SRCAP: variants seen among roughly 807,000 people sequenced by gnomAD.
SRCAP encodes Snf2 related CREBBP activator protein.
SRCAP carries 46 observed loss-of-function variants against 263.1 expected under a neutral mutation model. The observed-to-expected ratio is 0.17, with a 90% CI of 0.14 to 0.22. The LOEUF (loss-of-function observed/expected upper bound fraction) is 0.22, where lower values mean the gene tolerates loss of function less well. Among genes scored for constraint, SRCAP ranks in the 10% least tolerant of loss-of-function variants. SRCAP has a pLI of 1.00. For missense variants in SRCAP, 3,695 were observed against 4,181.9 expected, an observed-to-expected ratio of 0.88 and a Z score of 3.21; for synonymous variants, 1,813 against 1,662.1, an observed-to-expected ratio of 1.09 and a Z score of -2.21.
chr16:30,709,703 C>G lies in SRCAP; in HGVS notation c.824C>G (p.Pro275Arg). The change falls in exon 7 of 34, where the codon CCT becomes CGT. Residue 275 changes from proline (P) to arginine (R), a missense_variant. Transcript: ENST00000262518. Reference sequence around the variant, plus strand: ...GGCTCTTCCTCAGCTGCCTCCAGTCCTCCACCCCCTGCTTCTCGCCTGGAT... The same window carrying G: ...GGCTCTTCCTCAGCTGCCTCCAGTCGTCCACCCCCTGCTTCTCGCCTGGAT... Reference protein sequence around the residue: ...CLGSSSAASSPPPPASRLDDE... With the variant: ...CLGSSSAASSRPPPASRLDDE... 1 of 1,614,172 alleles carries G rather than the reference C, an allele frequency of 6.2e-7. No homozygotes were observed. The highest frequency in any genetic ancestry group is 8.5e-7 in the Non-Finnish European group (1 of 1,180,030).
chr16:30,704,450 C>T (rs543487558), intron 4 of SRCAP, 135 bp downstream of exon 4: 10 of 1,036,880 alleles, frequency 9.6e-6, no homozygotes, highest in South Asian at 7.1e-5. Context: ...TGTATATGAT[C>T]GTGAGCAAAC....
rs913268128 is a variant in SRCAP, at chr16:30,740,366, T to G, written c.*633T>G. The G allele has an allele frequency of 6.6e-6, 1 of 152,278 alleles. No individual in the cohort carries two copies. Among genetic ancestry groups the G allele is most frequent in the Non-Finnish European group, 1.5e-5 (1 of 68,050 alleles). The allele number at this position is 152,278 out of a possible 1,614,324, so 9.4% of individuals were successfully genotyped here. A position where few individuals can be genotyped will look rare whatever the true frequency, so the allele number is the denominator to read the frequency against. ...CAGATATCCTTTTCCTCTCATTTCT[T>G]TTCCCTCGGTTCCTAGACGTTCCTC... On this transcript the variant is annotated 3_prime_UTR_variant, in exon 34 of 34. Coordinates refer to ENST00000262518, the MANE Select transcript of SRCAP (RefSeq NM_006662.3).
chr16:30,710,122 G>C lies in SRCAP; in HGVS notation c.1128G>C (p.Val376=). The C allele has an allele frequency of 6.2e-7, 1 of 1,613,350 alleles. No homozygotes were observed. The highest frequency in any genetic ancestry group is 8.5e-7 in the Non-Finnish European group (1 of 1,179,452). The part of the protein sequence containing the change: ...EEGAEEEPPQ[V]LEIKPPPSAV... ...GTGCTGAAGAAGAGCCCCCTCAGGT[G>C]TTGGAGGTATAGGCAGAAGGAGCAG... The change falls in exon 8 of 34, where the codon GTG becomes GTC. Residue 376 remains valine, a synonymous_variant. Transcript: ENST00000262518.
Position 30,737,440 on chromosome 16 carries a change from C to T in SRCAP, c.7400C>T (p.Pro2467Leu). Residue 2467 changes from proline to leucine, a missense_variant, in exon 34 of 34, where the codon CCC becomes CTC. By Grantham distance (98) the Pro-to-Leu change is moderately conservative. This residue lies in a region of SRCAP where 1,207 missense variants were observed against 1,142.9 expected (regional missense o/e 1.06). Coordinates refer to ENST00000262518, the MANE Select transcript of SRCAP (RefSeq NM_006662.3). The stretch of plus-strand genomic sequence containing the variant: ...CCTGTCCCAGTTTCTGCCCCAGTAC[C>T]CATTTCAGCCCCAAATCCAATAACC... ...LVPVPVSAPVPISAPNPITIL... is the reference protein window; with the variant it reads ...LVPVPVSAPVLISAPNPITIL... 1 of 1,594,178 alleles carries T rather than the reference C, an allele frequency of 6.3e-7. No individual in the cohort carries two copies. The highest frequency in any genetic ancestry group is 8.6e-7 in the Non-Finnish European group (1 of 1,168,794).
chr16:30,710,284 T>C (rs140510194), intron 8 of SRCAP, among the ~76,000 whole-genome samples, 156 bp downstream of exon 8: 82 of 152,284 alleles, frequency 5.4e-4, no homozygotes, highest in African/African-American at 1.9e-3. Context: ...AGAATCTGTT[T>C]GGGGCAAGTT....
chr16:30,733,574 T>C lies in SRCAP; in HGVS notation c.6298-28T>C, dbSNP rs775757223. The C allele has an allele frequency of 1.9e-6, 3 of 1,604,986 alleles. No individual in the cohort carries two copies. Among genetic ancestry groups the C allele is most frequent in the Non-Finnish European group, 2.6e-6 (3 of 1,173,772 alleles). ...CTGTTTTGGGGGATAAGTCTCCCAGTATCATCTTTTTTTCCCTTTCCTTCT... is the reference window on the plus strand; with the variant it reads ...CTGTTTTGGGGGATAAGTCTCCCAGCATCATCTTTTTTTCCCTTTCCTTCT... On this transcript the variant is annotated intron_variant, in intron 28 of 33. Transcript: ENST00000262518. The surrounding 1 kb of genome is among the most constrained non-coding windows in gnomAD (Gnocchi z 5.3).
At chr16:30,707,104 A>T in intron 4 of SRCAP, 79 bp from the exon 5 acceptor site, 1 of 1,453,672 alleles carries the variant, frequency 6.9e-7, no homozygotes, top group Non-Finnish European at 9.5e-7. Context: ...CAGCCCACTT[A>T]GTGCTCAGGA....
In SRCAP at chr16:30,730,594, G is replaced by C. The variant is rs890137705; in HGVS notation, c.6127+1022G>C. On this transcript the variant is annotated intron_variant, in intron 27 of 33. Coordinates refer to ENST00000262518, the MANE Select transcript of SRCAP (RefSeq NM_006662.3). Reference sequence around the variant, plus strand: ...TTACAGGTGCACACCACCACACCCGGCTAATTTTTGTATTTTTAGTAGACA... The same window carrying C: ...TTACAGGTGCACACCACCACACCCGCCTAATTTTTGTATTTTTAGTAGACA... Among the ~76,000 whole-genome samples, 22 of 151,992 alleles carry C rather than the reference G, an allele frequency of 1.4e-4. 1 individual carries two copies. Among genetic ancestry groups the C allele is most frequent in the Admixed American group, 9.2e-4 (14 of 15,268 alleles).
chr16:30,709,944 A>G lies in SRCAP; in HGVS notation c.950A>G (p.Gln317Arg). The G allele has an allele frequency of 3.1e-6, 5 of 1,614,230 alleles. No individual in the cohort carries two copies. The African/African-American group carries it at 4.0e-5, about 13-fold the overall frequency. The change falls in exon 8 of 34, where the codon CAG becomes CGG. Residue 317 changes from glutamine (Q) to arginine (R), a missense_variant. Physicochemically the swap from Gln to Arg is conservative, Grantham distance 43. Around this residue, in one of 12 missense-constraint regions of SRCAP, gnomAD observed 30 missense variants for 54.1 expected, o/e 0.55. Transcript: ENST00000262518. ...CAGGAAGGCAATGATGCAGAGGCCC[A>G]GAGGCGTGAGATTGAGCTGCTTCGC... ...EQQEGNDAEA[Q>R]RREIELLRRE...
At chr16:30,726,581 C>T (rs2053066646) in intron 25 of SRCAP, among the ~76,000 whole-genome samples, 1 of 151,518 alleles carries the variant, frequency 6.6e-6, no homozygotes, top group African/African-American at 2.4e-5. Context: ...AGTGCTTTGG[C>T]ACGGTCTTGG....
Position 30,739,684 on chromosome 16 carries a change from C to G in SRCAP, c.9644C>G (p.Ser3215Cys). 6.5e-7 allele frequency: 1 copy of G among 1,537,712 alleles called. No individual in the cohort carries two copies. The highest frequency in any genetic ancestry group is 8.7e-7 in the Non-Finnish European group (1 of 1,143,730). Residue 3215 changes from serine (S) to cysteine (C), a missense_variant, in exon 34 of 34, where the codon TCC becomes TGC. Coordinates refer to ENST00000262518, the MANE Select transcript of SRCAP (RefSeq NM_006662.3). ...QRILRSSAPP[S>C]LAGPAVSHRG... ...ATCCTGCGCAGCAGCGCCCCTCCCTCCCTGGCTGGCCCTGCTGTTAGTCAC... is the reference window on the plus strand; with the variant it reads ...ATCCTGCGCAGCAGCGCCCCTCCCTGCCTGGCTGGCCCTGCTGTTAGTCAC...
chr16:30,700,860 C>T lies in SRCAP; in HGVS notation c.36C>T (p.Leu12=). ...GCCCCTCCCCTGCTCACCCTCAGCT[C>T]CCAGTCCTACAGACACAGGTTTGAA... ...QSSPSPAHPQ[L]PVLQTQMVSD... Residue 12 remains leucine, a synonymous_variant, in exon 3 of 34, where the codon CTC becomes CTT. Coordinates refer to ENST00000262518, the MANE Select transcript of SRCAP (RefSeq NM_006662.3). 1.2e-6 allele frequency: 2 copies of T among 1,614,188 alleles called. No homozygotes were observed. Among genetic ancestry groups the T allele is most frequent in the East Asian group, 2.2e-5 (1 of 44,880 alleles).
intron 25 of SRCAP, chr16:30,725,370 A>T: frequency 2.5e-6 from 1 of 392,258 alleles, no homozygotes; most frequent in Non-Finnish European, 4.6e-6. Flanking sequence ...AGTAAAAGGA[A>T]CTCTTCTCTG....
At chr16:30,728,918 G>A in intron 25 of SRCAP, 48 bp from the exon 26 acceptor site, 1 of 1,554,154 alleles carries the variant, frequency 6.4e-7, no homozygotes, top group Non-Finnish European at 8.7e-7. Flanking sequence ...AGGTTTTGAT[G>A]TGGACTCTGA....
In SRCAP at chr16:30,739,039, C is replaced by T. The variant is rs772858077; in HGVS notation, c.8999C>T (p.Thr3000Met). Residue 3000 changes from threonine to methionine, a missense_variant, in exon 34 of 34, where the codon ACG (threonine) becomes ATG (methionine). By Grantham distance (81) the Thr-to-Met change is moderately conservative. Transcript: ENST00000262518. ...ANTVTTVTIS[T>M]SPPKRKRGRP... ...ACTGTCACCACTGTCACCATTTCAA[C>T]GTCCCCACCCAAACGGAAGAGGGGC... 30 of 1,614,108 alleles carry T rather than the reference C, an allele frequency of 1.9e-5. No individual in the cohort carries two copies. The highest frequency in any genetic ancestry group is 1.6e-4 in the Middle Eastern group (1 of 6,084).
At chr16:30,707,453 T>G (rs2052840162) in intron 5 of SRCAP, 85 bp downstream of exon 5, 1 of 1,602,682 alleles carries the variant, frequency 6.2e-7, no homozygotes, top group Non-Finnish European at 8.5e-7. Context: ...GACAGAATGG[T>G]GTAGGCATTA....
In SRCAP at chr16:30,725,021, CGTT is replaced by C. The variant is rs565950672; in HGVS notation, c.5598_5600del (p.Phe1867del). The C allele has an allele frequency of 6.5e-4, 1,048 of 1,614,022 alleles. 7 individuals carry two copies. Among genetic ancestry groups the C allele is most frequent in the South Asian group, 5.9e-3 (537 of 91,082 alleles). On this transcript the variant is annotated inframe_deletion, in exon 25 of 34. Transcript: ENST00000262518. ...CCCAGCCCTCCCTCCACTGCTACCT[CGTT>C]TGGTGGCCCCCGGCCTCGACGCCAG... is the stretch of plus-strand genomic sequence containing the variant.
At chr16:30,721,151 C>A in intron 20 of SRCAP, 38 bp from the exon 21 acceptor site, 1 of 1,565,148 alleles carries the variant, frequency 6.4e-7, no homozygotes. Context: ...AGGCTTTAGT[C>A]AGGGTATATC....
chr16:30,739,599 C>T lies in SRCAP; in HGVS notation c.9559C>T (p.Pro3187Ser), dbSNP rs752013540. The change falls in exon 34 of 34, where the codon CCA becomes TCA. Residue 3187 changes from proline (P) to serine (S), a missense_variant. By Grantham distance (74) the Pro-to-Ser change is moderately conservative (BLOSUM62 -1). Around this residue, in one of 12 missense-constraint regions of SRCAP, gnomAD observed 1,207 missense variants for 1,142.9 expected, o/e 1.06. Coordinates refer to ENST00000262518, the MANE Select transcript of SRCAP (RefSeq NM_006662.3). ...SGEEEEGDGT[P>S]RRRPGPRRLV... Reference sequence around the variant, plus strand: ...TGAGGAGGAGGAAGGGGATGGGACCCCACGCCGACGTCCTGGCCCCCGCCG... The same window carrying T: ...TGAGGAGGAGGAAGGGGATGGGACCTCACGCCGACGTCCTGGCCCCCGCCG... The T allele has an allele frequency of 6.3e-7, 1 of 1,596,680 alleles. No homozygotes were observed. Among genetic ancestry groups the T allele is most frequent in the Admixed American group, 1.8e-5 (1 of 57,034 alleles).
Sources: gnomAD v4.1 joint callset for allele counts (sites outside exome capture counted in the v4.1 genomes callset) on GRCh38, gnomAD v4.1.1 for gene constraint, gnomAD v4.1.1 regional missense constraint, Gnocchi (gnomAD v3.1) non-coding constraint, MANE v1.5 for transcripts, NCBI Gene and HGNC (gene_info 2026-07-23, HGNC 2026-07-21) for gene names.